MRNIP: variants seen among roughly 807,000 people sequenced by gnomAD.
The protein encoded by MRNIP is MRN complex-interacting protein.
In MRNIP, 30 loss-of-function variants were observed where a neutral mutation model predicts 29.8. The observed-to-expected ratio is 1.01, with a 90% CI of 0.75 to 1.36. MRNIP has a LOEUF of 1.36. MRNIP is among the 40% of genes most tolerant of loss of function. The pLI is 0.00. For synonymous variants in MRNIP, 201 were observed against 164.1 expected (o/e 1.23, Z -1.72); for missense variants, 459 against 423.5 (o/e 1.08, Z -0.74).
At chr5:179,855,798 C>A (rs879794950) in intron 1 of MRNIP, among the ~76,000 whole-genome samples, 1 of 151,666 alleles carries the variant, frequency 6.6e-6, no homozygotes, top group Non-Finnish European at 1.5e-5. Flanking sequence ...GAGCACCTAC[C>A]AAAAATTGAA....
At chr5:179,843,922 CAG>C (rs1279654366) in intron 4 of MRNIP, among the ~76,000 whole-genome samples, 1 of 152,114 alleles carries the variant, frequency 6.6e-6, no homozygotes, top group Non-Finnish European at 1.5e-5. Flanking sequence ...TCCAAGCAGA[CAG>C]AGGAGAGAGT....
chr5:179,844,677 C>T (rs911392174), intron 3 of MRNIP, among the ~76,000 whole-genome samples: 2 of 152,104 alleles, frequency 1.3e-5, no homozygotes, highest in South Asian at 2.1e-4. Context: ...CTACCCACCT[C>T]GGCCTCCCAA....
chr5:179,843,684 G>A (rs994510291), intron 4 of MRNIP, among the ~76,000 whole-genome samples: 1 of 152,082 alleles, frequency 6.6e-6, no homozygotes, highest in Non-Finnish European at 1.5e-5. Flanking sequence ...AGGCTGCAGA[G>A]AACCATGATC....
intron 5 of MRNIP, chr5:179,841,185 A>G: frequency 1.8e-6 from 1 of 546,370 alleles, no homozygotes; most frequent in Non-Finnish European, 3.3e-6. Context: ...TCTCACCGGC[A>G]CCCAGGCTGG....
chr5:179,848,872 C>G (rs1759235641), intron 2 of MRNIP, among the ~76,000 whole-genome samples: 1 of 152,236 alleles, frequency 6.6e-6, no homozygotes. Context: ...TGTGAAGACC[C>G]TGAGCCTGAA....
intron 6 of MRNIP, chr5:179,838,430 C>T (rs919979324): frequency 1.9e-5 from 3 of 160,788 alleles, no homozygotes; most frequent in Admixed American, 1.2e-4. Flanking sequence ...AATCCCAGCA[C>T]TTTGGGAGGC....
chr5:179,843,029 C>CGAAAGGAG lies in MRNIP; in HGVS notation c.292-973_292-966dup, dbSNP rs1034430115. 2.7e-4 allele frequency among the ~76,000 whole-genome samples: 19 copies of CGAAAGGAG among 70,282 alleles called. No homozygotes were observed. In the Admixed American group the frequency reaches 2.8e-3, roughly 10 times the overall value. 46.1% of individuals were successfully genotyped at this position (70,282 alleles called of 152,430 possible). A position where few individuals can be genotyped will look rare whatever the true frequency, so the allele number is the denominator to read the frequency against. ...GCTGGGGGACACAGCGAGACTCTGT[C>CGAAAGGAG]GAAAGGAGGAAAGAAGGAAGGAAGG... On this transcript the variant is annotated intron_variant, in intron 4 of 6. Coordinates refer to ENST00000292586, the MANE Select transcript of MRNIP (RefSeq NM_016175.4).
At position 179,837,511 on chromosome 5, in the gene MRNIP, T is replaced by C. The variant is rs772077418; in HGVS notation, c.912A>G (p.Ser304=). The change falls in exon 7 of 7, where the codon TCA becomes TCG. Residue 304 remains serine (S), a synonymous_variant. Transcript: ENST00000292586. ...SGSERPCGKT[S]WDARTPWAEG... ...CTGCCCAGGGAGTCCTTGCGTCCCATGAGGTCTTCCCGCAAGGCCTCTCAG... is the reference window on the plus strand; with the variant it reads ...CTGCCCAGGGAGTCCTTGCGTCCCACGAGGTCTTCCCGCAAGGCCTCTCAG... 6.2e-7 allele frequency: 1 copy of C among 1,614,192 alleles called. No homozygotes were observed. The highest frequency in any genetic ancestry group is 8.5e-7 in the Non-Finnish European group (1 of 1,180,016).
At chr5:179,847,091 T>A (rs1042229287) in intron 3 of MRNIP, 10 of 152,028 alleles carry the variant, frequency 6.6e-5, no homozygotes, top group South Asian at 6.2e-4. Flanking sequence ...GTGACACTAA[T>A]GTTAATCAGT....
Position 179,858,723 on chromosome 5 carries a change from C to A in MRNIP, c.66+8G>T. The A allele has an allele frequency of 6.6e-7, 1 of 1,504,658 alleles. No individual in the cohort carries two copies. Among genetic ancestry groups the A allele is most frequent in the East Asian group, 2.6e-5 (1 of 38,664 alleles). 93.2% of individuals were successfully genotyped at this position (1,504,658 alleles called of 1,614,324 possible). ...GGAGGAGGAGGAGGGGGCTGGCACCCGCCAGACCTGGTGCGCCTGGAAGAG... is the reference window on the plus strand; with the variant it reads ...GGAGGAGGAGGAGGGGGCTGGCACCAGCCAGACCTGGTGCGCCTGGAAGAG... On this transcript the variant is annotated splice_region_variant and intron_variant, in intron 1 of 6. Transcript: ENST00000292586.
In MRNIP at chr5:179,842,526, AC is replaced by A. The variant is rs199762347; in HGVS notation, c.292-463del. On this transcript the variant is annotated intron_variant, in intron 4 of 6. Coordinates refer to ENST00000292586, the MANE Select transcript of MRNIP (RefSeq NM_016175.4). ...AAACCCCGTCTCTACTAAAAAAAAA[AC>A]AACAACAAAAAAAAAACAAAAAATT... is the stretch of plus-strand genomic sequence containing the variant. Among the ~76,000 whole-genome samples the A allele has an allele frequency of 9.8e-3, 1,449 of 147,180 alleles. 26 individuals carry two copies. The highest frequency in any genetic ancestry group is 0.034 in the African/African-American group (1,380 of 40,012).
intron 4 of MRNIP, among the ~76,000 whole-genome samples, chr5:179,843,028 T>C (rs1457375849): frequency 1.3e-5 from 1 of 79,592 alleles, no homozygotes; most frequent in Non-Finnish European, 2.1e-5. Context: ...CGAGACTCTG[T>C]CGAAAGGAGG....
chr5:179,849,396 A>G (rs1759262079), intron 2 of MRNIP, among the ~76,000 whole-genome samples: 1 of 150,874 alleles, frequency 6.6e-6, no homozygotes, highest in Non-Finnish European at 1.5e-5. Context: ...GGCAGATGGT[A>G]AGAGATGGAA....
chr5:179,851,107 T>C, intron 2 of MRNIP: 1 of 412,806 alleles, frequency 2.4e-6, no homozygotes, highest in Non-Finnish European at 4.9e-6. Context: ...TTTGTTACTG[T>C]GGCCTAGTCA....
chr5:179,853,740 C>T (rs554919158), intron 1 of MRNIP, among the ~76,000 whole-genome samples: 1 of 151,218 alleles, frequency 6.6e-6, no homozygotes, highest in Non-Finnish European at 1.5e-5. Context: ...CCACTGCACT[C>T]CAGCCTACAC....
chr5:179,843,650 G>A (rs1014692815), intron 4 of MRNIP, among the ~76,000 whole-genome samples: 3 of 152,128 alleles, frequency 2.0e-5, no homozygotes, highest in Middle Eastern at 3.4e-3. Flanking sequence ...TGAGGTGGGA[G>A]GATCACTTCA....
chr5:179,844,409 G>T, intron 3 of MRNIP, 182 bp from the exon 4 acceptor site: 1 of 521,776 alleles, frequency 1.9e-6, no homozygotes, highest in South Asian at 2.2e-5. Context: ...TCAGGAGGCT[G>T]AGGCAGATAA....
chr5:179,853,263 G>C, intron 2 of MRNIP, 115 bp downstream of exon 2: 2 of 1,589,340 alleles, frequency 1.3e-6, no homozygotes, highest in Non-Finnish European at 1.7e-6. Flanking sequence ...CAGGAGCTCC[G>C]TGTCTGGGGA....
chr5:179,856,322 C>T (rs940512562), intron 1 of MRNIP, among the ~76,000 whole-genome samples: 1 of 152,104 alleles, frequency 6.6e-6, no homozygotes, highest in African/African-American at 2.4e-5. Context: ...ACTTGATTCC[C>T]GTGTATTTCG....
Sources: allele counts gnomAD v4.1 joint callset (sites outside exome capture counted in the v4.1 genomes callset), GRCh38; gene constraint gnomAD v4.1.1; transcripts MANE v1.5; gene names NCBI Gene and HGNC (gene_info 2026-07-23, HGNC 2026-07-21).